SEPTIN10: variants seen among roughly 807,000 people sequenced by gnomAD.
The protein encoded by SEPTIN10 is septin-10.
SEPTIN10 carries 66 observed loss-of-function variants against 54.8 expected under a neutral mutation model. The ratio of observed to expected loss-of-function variants is 1.21; its 90% confidence interval spans 0.99 to 1.48. SEPTIN10 has a LOEUF of 1.48. Among genes scored for constraint, SEPTIN10 ranks in the 40% most tolerant of loss-of-function variants. The pLI is 0.00. For missense variants in SEPTIN10, 620 were observed against 545.6 expected (o/e 1.14, Z -1.36); for synonymous variants, 161 against 181.0 (o/e 0.89, Z 0.89).
At chr2:109,562,187 T>C (rs1482916018) in intron 8 of SEPTIN10, among the ~76,000 whole-genome samples, 1 of 151,988 alleles carries the variant, frequency 6.6e-6, no homozygotes, top group African/African-American at 2.4e-5. Context: ...AACTCCAGCC[T>C]GGGCAACACA....
At position 109,559,181 on chromosome 2, in the gene SEPTIN10, T is replaced by A. The variant is rs554637805; in HGVS notation, c.1028+5185A>T. 2.6e-5 allele frequency among the ~76,000 whole-genome samples: 4 copies of A among 152,294 alleles called. No homozygotes were observed. The South Asian group carries it at 8.3e-4, about 32-fold the overall frequency. On this transcript the variant is annotated intron_variant, in intron 8 of 10. Coordinates refer to ENST00000397712, the MANE Select transcript of SEPTIN10 (RefSeq NM_144710.5). ...AATTACAGGCATAAGCCACCACGCC[T>A]GGCCAGATATAACTTCTTGAAACTA...
chr2:109,602,937 G>T (rs1696972785), intron 1 of SEPTIN10, among the ~76,000 whole-genome samples: 1 of 150,846 alleles, frequency 6.6e-6, no homozygotes, highest in Non-Finnish European at 1.5e-5. Flanking sequence ...CAGGCACAGT[G>T]GTGTGTACCT....
At chr2:109,570,367 C>T (rs1350217932) in intron 5 of SEPTIN10, among the ~76,000 whole-genome samples, 1 of 152,064 alleles carries the variant, frequency 6.6e-6, no homozygotes, top group East Asian at 1.9e-4. Flanking sequence ...TTTACAGTTG[C>T]CCCCCTCATC....
chr2:109,577,483 TCAGGAGGCTGAGG>T (rs1456532663), intron 4 of SEPTIN10, among the ~76,000 whole-genome samples: 3 of 150,992 alleles, frequency 2.0e-5, no homozygotes, highest in Admixed American at 2.0e-4. Flanking sequence ...TCCCAGGTAC[TCAGGAGGCTGAGG>T]CAGGAGAACT....
chr2:109,544,575 C>G, intron 10 of SEPTIN10: 3 of 977,900 alleles, frequency 3.1e-6, no homozygotes, highest in Non-Finnish European at 2.4e-6. Context: ...ATAATTTTTA[C>G]AAGGTAAATG....
intron 10 of SEPTIN10, chr2:109,545,736 G>A: frequency 7.0e-7 from 1 of 1,430,946 alleles, no homozygotes; most frequent in South Asian, 1.5e-5. Context: ...TAGGGCCACG[G>A]CTGGGCTATT....
chr2:109,576,954 G>C (rs933766350), intron 4 of SEPTIN10, among the ~76,000 whole-genome samples: 6 of 152,164 alleles, frequency 3.9e-5, no homozygotes, highest in African/African-American at 1.4e-4. Flanking sequence ...AAAAAGAACT[G>C]ACGGACACAC....
At chr2:109,565,127 G>C (rs28440810) in intron 7 of SEPTIN10, among the ~76,000 whole-genome samples, 2,518 of 151,976 alleles carry the variant, frequency 0.017, 83 homozygotes, top group African/African-American at 0.056. Context: ...ATACTCTTAA[G>C]TATAATTATT....
chr2:109,596,176 C>A (rs1382217625), intron 1 of SEPTIN10, among the ~76,000 whole-genome samples: 1 of 152,134 alleles, frequency 6.6e-6, no homozygotes, highest in African/African-American at 2.4e-5. Context: ...GGCCTACAGG[C>A]ATGCACCACC....
chr2:109,566,310 G>A (rs576142415), intron 6 of SEPTIN10, among the ~76,000 whole-genome samples: 1 of 151,818 alleles, frequency 6.6e-6, no homozygotes, highest in African/African-American at 2.4e-5. Context: ...TAGTAGAGAC[G>A]GCGTTTCACC....
Position 109,543,730 on chromosome 2 carries a change from G to T in SEPTIN10, c.*579C>A. Reference sequence around the variant, plus strand: ...ACAATAGCTTGGTAGCAAGAGAAAAGATTTAGATTCATCACAGAACAGCAA... The same window carrying T: ...ACAATAGCTTGGTAGCAAGAGAAAATATTTAGATTCATCACAGAACAGCAA... On this transcript the variant is annotated 3_prime_UTR_variant, in exon 11 of 11. Transcript: ENST00000397712. 6.3e-6 allele frequency: 1 copy of T among 159,204 alleles called. No homozygotes were observed. Among genetic ancestry groups the T allele is most frequent in the Non-Finnish European group, 1.4e-5 (1 of 72,954 alleles). 9.9% of individuals were successfully genotyped at this position (159,204 alleles called of 1,614,324 possible). A position where few individuals can be genotyped will look rare whatever the true frequency, so the allele number is the denominator to read the frequency against.
intron 2 of SEPTIN10, among the ~76,000 whole-genome samples, chr2:109,587,605 T>TA (rs1215323094): frequency 1.3e-5 from 2 of 152,040 alleles, no homozygotes; most frequent in African/African-American, 2.4e-5. Flanking sequence ...AGCAAACTGC[T>TA]AAAAAACAAG....
chr2:109,555,640 T>A (rs975285712), intron 8 of SEPTIN10, among the ~76,000 whole-genome samples: 2 of 152,148 alleles, frequency 1.3e-5, no homozygotes, highest in Admixed American at 6.5e-5. Context: ...GGCACAAGTG[T>A]TTCTTGTGAT....
intron 1 of SEPTIN10, among the ~76,000 whole-genome samples, chr2:109,610,810 C>G (rs894255942): frequency 1.3e-5 from 2 of 152,190 alleles, no homozygotes; most frequent in Non-Finnish European, 2.9e-5. Flanking sequence ...TCGATATAAA[C>G]ATTTAATGTA....
intron 5 of SEPTIN10, 134 bp downstream of exon 5, chr2:109,574,443 TAAAA>T (rs55980206): frequency 0.013 from 3,541 of 270,374 alleles, no homozygotes; most frequent in Middle Eastern, 0.025. Context: ...ACTTTATCTC[TAAAA>T]AAAAAAAAAA....
Position 109,566,292 on chromosome 2 carries a change from T to G in SEPTIN10, c.763-433A>C, listed in dbSNP as rs143596040. Among the ~76,000 whole-genome samples the G allele has an allele frequency of 8.0e-3, 1,217 of 152,062 alleles. 16 individuals are homozygous for G. Among genetic ancestry groups the G allele is most frequent in the African/African-American group, 0.028 (1,169 of 41,468 alleles). ...CCCACCACAACATCCAGCTAATTTT[T>G]GCATTTTTAGTAGAGACGGCGTTTC... On this transcript the variant is annotated intron_variant, in intron 6 of 10. Transcript: ENST00000397712.
chr2:109,608,004 A>G (rs1233574035), intron 1 of SEPTIN10, among the ~76,000 whole-genome samples: 1 of 152,232 alleles, frequency 6.6e-6, no homozygotes. Context: ...TGAAGCCGTG[A>G]CTCATTCAGA....
At chr2:109,603,021 T>G (rs1696996222) in intron 1 of SEPTIN10, among the ~76,000 whole-genome samples, 1 of 149,926 alleles carries the variant, frequency 6.7e-6, no homozygotes, top group South Asian at 2.1e-4. Context: ...CAGTAAGCTG[T>G]GACTGCACCA....
At chr2:109,569,140 A>G (rs1687761923) in intron 5 of SEPTIN10, among the ~76,000 whole-genome samples, 1 of 152,114 alleles carries the variant, frequency 6.6e-6, no homozygotes, top group African/African-American at 2.4e-5. Context: ...ATTAAAAGTA[A>G]AAAATTGACT....
Sources: allele counts gnomAD v4.1 joint callset (sites outside exome capture counted in the v4.1 genomes callset), GRCh38; gene constraint gnomAD v4.1.1; transcripts MANE v1.5; gene names NCBI Gene and HGNC (gene_info 2026-07-23, HGNC 2026-07-21).